The following ECEL1 variants were observed in gnomAD, a reference collection of about 807,000 sequenced individuals.
ECEL1 encodes the protein endothelin converting enzyme like 1, also known as endothelin-converting enzyme-like 1.
In ECEL1, 87 loss-of-function variants were observed where a neutral mutation model predicts 101.8. The observed-to-expected ratio is 0.85, with a 90% CI of 0.72 to 1.02. The LOEUF is 1.02. Among genes scored for constraint, ECEL1 ranks in the 50% least tolerant of loss-of-function variants. The pLI is 0.00. For synonymous variants in ECEL1, 487 were observed against 468.7 expected (o/e 1.04, Z -0.50); for missense variants, 1,032 against 1,079.2 (o/e 0.96, Z 0.61).
At chr2:232,487,389 AC>A (rs1342629196) in intron 1 of ECEL1, among the ~76,000 whole-genome samples, 2 of 151,410 alleles carry the variant, frequency 1.3e-5, no homozygotes, top group Non-Finnish European at 2.9e-5. Context: ...CTGATGGAGA[AC>A]CCGAGACGGG....
In ECEL1 at chr2:232,480,066, G is replaced by T; in HGVS notation, c.*87C>A. ...GAAGGCAGGTGGTGCCCAGAGCGGG[G>T]CTGGCACCGGGTGCATGCCTGCCCC... On this transcript the variant is annotated 3_prime_UTR_variant, in exon 18 of 18. Coordinates refer to ENST00000304546, the MANE Select transcript of ECEL1 (RefSeq NM_004826.4). The T allele has an allele frequency of 7.4e-7, 1 of 1,345,350 alleles. No individual in the cohort carries two copies. The highest frequency in any genetic ancestry group is 1.0e-6 in the Non-Finnish European group (1 of 955,988). 83.3% of individuals were successfully genotyped at this position (1,345,350 alleles called of 1,614,324 possible).
Position 232,484,971 on chromosome 2 carries a change from G to T in ECEL1, c.966+10C>A, listed in dbSNP as rs779795692. Reference sequence around the variant, plus strand: ...AAGCCCAGGGCAGCCTCCAGTCCTGGTCTGCTCACGTTGGCCAGCTGCTGC... The same window carrying T: ...AAGCCCAGGGCAGCCTCCAGTCCTGTTCTGCTCACGTTGGCCAGCTGCTGC... On this transcript the variant is annotated intron_variant, in intron 4 of 17. Transcript: ENST00000304546. 4 of 1,612,976 alleles carry T rather than the reference G, an allele frequency of 2.5e-6. No homozygotes were observed. The Admixed American group carries it at 5.0e-5, about 20-fold the overall frequency.
In ECEL1 at chr2:232,482,622, C is replaced by T. The variant is rs773549893; in HGVS notation, c.1686-14G>A. The T allele has an allele frequency of 3.1e-6, 5 of 1,605,590 alleles. No homozygotes were observed. In the South Asian group the frequency reaches 4.4e-5, roughly 14 times the overall value. On this transcript the variant is annotated splice_polypyrimidine_tract_variant and intron_variant, in intron 10 of 17. Coordinates refer to ENST00000304546, the MANE Select transcript of ECEL1 (RefSeq NM_004826.4). Reference sequence around the variant, plus strand: ...GGGAGCAGCCACCTGTGGAGGGATGCTGGGGTGAATGGGGGGAACACACTC... The same window carrying T: ...GGGAGCAGCCACCTGTGGAGGGATGTTGGGGTGAATGGGGGGAACACACTC...
At position 232,486,415 on chromosome 2, in the gene ECEL1, A is replaced by G; in HGVS notation, c.239T>C (p.Leu80Pro). 6.8e-7 allele frequency: 1 copy of G among 1,466,340 alleles called. No homozygotes were observed. The allele number at this position is 1,466,340 out of a possible 1,614,324, so 90.8% of individuals were successfully genotyped here. A position where few individuals can be genotyped will look rare whatever the true frequency, so the allele number is the denominator to read the frequency against. ...GACCGGGCCCAGGTACTTGAGGGCC[A>G]GCATAGCCGCCAGAATGGCGCAGAG... ...AGLCAILAAM[L>P]ALKYLGPVAA... Residue 80 changes from leucine (L) to proline (P), a missense_variant, in exon 2 of 18, where the codon CTG (leucine) becomes CCG (proline). Physicochemically the swap from Leu to Pro is moderately conservative, Grantham distance 98. Transcript: ENST00000304546.
At chr2:232,484,657 A>AG (rs1382037937) in intron 5 of ECEL1, 61 bp from the exon 6 acceptor site, 4 of 1,607,346 alleles carry the variant, frequency 2.5e-6, no homozygotes, top group South Asian at 1.1e-5. Flanking sequence ...GAAGACAGGG[A>AG]GGGGGCAGAG....
chr2:232,483,264 A>C, intron 8 of ECEL1, 85 bp from the exon 9 acceptor site: 2 of 1,354,618 alleles, frequency 1.5e-6, no homozygotes, highest in Non-Finnish European at 2.0e-6. Context: ...GGAAGGGAGC[A>C]CTAGGCCAGC....
rs1227088974 is a variant in ECEL1 at position 232,486,015 on chromosome 2, C to A, written c.639G>T (p.Leu213=). ...EVIEDCGGWD[L]GGAEERPGVA... ...CCCCCGGACGCTCCTCCGCGCCGCC[C>A]AGGTCCCAGCCCCCGCAGTCCTCGA... Residue 213 remains leucine (L), a synonymous_variant, in exon 2 of 18, where the codon CTG becomes CTT. Coordinates refer to ENST00000304546, the MANE Select transcript of ECEL1 (RefSeq NM_004826.4). The A allele has an allele frequency of 1.2e-6, 2 of 1,608,374 alleles. No homozygotes were observed. Among genetic ancestry groups the A allele is most frequent in the South Asian group, 2.2e-5 (2 of 90,374 alleles).
In ECEL1 at chr2:232,486,776, G is replaced by T; in HGVS notation, c.-101-22C>A. The stretch of plus-strand genomic sequence containing the variant: ...GCAGCTGCGGGAAGGGCGGAAGCAG[G>T]CTCAGGAGGCGCCGCAGCCGGATGG... On this transcript the variant is annotated intron_variant, in intron 1 of 17. Transcript: ENST00000304546. The T allele has an allele frequency of 2.7e-6, 3 of 1,099,132 alleles. No individual in the cohort carries two copies. In the South Asian group the frequency reaches 8.4e-5, roughly 31 times the overall value. 68.1% of individuals were successfully genotyped at this position (1,099,132 alleles called of 1,614,324 possible).
rs2106182034 is a variant in ECEL1 at position 232,480,790 on chromosome 2, C to G, written c.2079G>C (p.Glu693Asp). ...AYHAYQKWVR[E>D]HGPEHPLPRL... Reference sequence around the variant, plus strand: ...GGGGAAGTGGGTGCTCTGGGCCGTGCTCCCGCACCCACTTCTGATAGGCCT... The same window carrying G: ...GGGGAAGTGGGTGCTCTGGGCCGTGGTCCCGCACCCACTTCTGATAGGCCT... Residue 693 changes from glutamate (E) to aspartate (D), a missense_variant, in exon 16 of 18, where the codon GAG becomes GAC. Glu to Asp is a conservative substitution (Grantham distance 45, BLOSUM62 2). Transcript: ENST00000304546. 6.2e-7 allele frequency: 1 copy of G among 1,613,886 alleles called. No homozygotes were observed. The highest frequency in any genetic ancestry group is 8.5e-7 in the Non-Finnish European group (1 of 1,179,938).
chr2:232,482,440 G>T lies in ECEL1; in HGVS notation c.1774C>A (p.Leu592Met). ...VFPAGILQPTLYDPDFPQSLN... is the reference protein window; with the variant it reads ...VFPAGILQPTMYDPDFPQSLN... ...CACTGTGGGAAGTCAGGGTCGTACAGGGTGGGCTGCAGGATGCCCGCGGGG... is the reference window on the plus strand; with the variant it reads ...CACTGTGGGAAGTCAGGGTCGTACATGGTGGGCTGCAGGATGCCCGCGGGG... The change falls in exon 12 of 18, where the codon CTG becomes ATG. Residue 592 changes from leucine to methionine, a missense_variant. By Grantham distance (15) the Leu-to-Met change is conservative. Transcript: ENST00000304546. The T allele has an allele frequency of 6.2e-7, 1 of 1,614,024 alleles. No individual in the cohort carries two copies. Among genetic ancestry groups the T allele is most frequent in the Non-Finnish European group, 8.5e-7 (1 of 1,180,030 alleles).
chr2:232,480,190 G>A lies in ECEL1; in HGVS notation c.2291C>T (p.Ser764Leu). ...ACACTTGTGGGCAGGGTTCATGGGT[G>A]AGTCCTTGGGACAGTGGAAAGCCCG... ...FGRAFHCPKD[S>L]PMNPAHKCSV... Residue 764 changes from serine (S) to leucine (L), a missense_variant, in exon 18 of 18, where the codon TCA becomes TTA. Physicochemically the swap from Ser to Leu is moderately radical, Grantham distance 145 (BLOSUM62 -2). Transcript: ENST00000304546. 6.2e-7 allele frequency: 1 copy of A among 1,613,920 alleles called. No homozygotes were observed. Among genetic ancestry groups the A allele is most frequent in the Non-Finnish European group, 8.5e-7 (1 of 1,179,954 alleles).
Position 232,485,964 on chromosome 2 carries a change from C to A in ECEL1, c.690G>T (p.Arg230=). 1.3e-6 allele frequency: 2 copies of A among 1,596,310 alleles called. No individual in the cohort carries two copies. Among genetic ancestry groups the A allele is most frequent in the Non-Finnish European group, 1.7e-6 (2 of 1,173,320 alleles). Residue 230 remains arginine, a synonymous_variant, in exon 2 of 18, where the codon CGG becomes CGT. Coordinates refer to ENST00000304546, the MANE Select transcript of ECEL1 (RefSeq NM_004826.4). ...ACACGCCCTGCGCCTTGTACAGCAGCCGGTTGAGGTCCCATCGCGCCGCGA... is the reference window on the plus strand; with the variant it reads ...ACACGCCCTGCGCCTTGTACAGCAGACGGTTGAGGTCCCATCGCGCCGCGA... ...PGVAARWDLN[R]LLYKAQGVYS...
chr2:232,485,554 G>A (rs889803027), intron 2 of ECEL1, among the ~76,000 whole-genome samples: 1 of 152,186 alleles, frequency 6.6e-6, no homozygotes, highest in Non-Finnish European at 1.5e-5. Context: ...TAGCTTTGGG[G>A]CCAGCTCCAG....
chr2:232,480,727 G>A lies in ECEL1; in HGVS notation c.2142C>T (p.Ala714=). The change falls in exon 16 of 18, where the codon GCC becomes GCT. Residue 714 remains alanine, a synonymous_variant. Transcript: ENST00000304546. ...CCCCCACCCAGCCCACCTGGGCAAAGGCAATGAAGAAGAGCTGGTCATGTG... is the reference window on the plus strand; with the variant it reads ...CCCCCACCCAGCCCACCTGGGCAAAAGCAATGAAGAAGAGCTGGTCATGTG... ...KYTHDQLFFI[A]FAQNWCIKRR... 6.2e-7 allele frequency: 1 copy of A among 1,614,122 alleles called. No homozygotes were observed. Among genetic ancestry groups the A allele is most frequent in the Non-Finnish European group, 8.5e-7 (1 of 1,180,000 alleles).
At chr2:232,485,352 G>A (rs1690693732) in intron 2 of ECEL1, 85 bp from the exon 3 acceptor site, 1 of 1,466,034 alleles carries the variant, frequency 6.8e-7, no homozygotes, top group Admixed American at 1.9e-5. Context: ...AATGCCCAGA[G>A]AGCAACCAGA....
In ECEL1 at chr2:232,484,081, C is replaced by T. The variant is rs1690656489; in HGVS notation, c.1327G>A (p.Gly443Ser). ...KPQELARVCL[G>S]QANRHFGMAL... ...ATGCCAAAGTGGCGATTGGCCTGGCCCAAGCAGACCCGGGCCAGCTCCTGT... is the reference window on the plus strand; with the variant it reads ...ATGCCAAAGTGGCGATTGGCCTGGCTCAAGCAGACCCGGGCCAGCTCCTGT... The change falls in exon 7 of 18, where the codon GGC (glycine) becomes AGC (serine). Residue 443 changes from glycine to serine, a missense_variant. Gly to Ser is a moderately conservative substitution (Grantham distance 56). Coordinates refer to ENST00000304546, the MANE Select transcript of ECEL1 (RefSeq NM_004826.4). The T allele has an allele frequency of 6.2e-7, 1 of 1,613,672 alleles. No individual in the cohort carries two copies. The highest frequency in any genetic ancestry group is 1.3e-5 in the African/African-American group (1 of 74,948).
chr2:232,482,543 C>T lies in ECEL1; in HGVS notation c.1744+7G>A. 6.2e-7 allele frequency: 1 copy of T among 1,613,982 alleles called. No individual in the cohort carries two copies. Among genetic ancestry groups the T allele is most frequent in the Non-Finnish European group, 8.5e-7 (1 of 1,180,022 alleles). Reference sequence around the variant, plus strand: ...GCCCCGCCCGGCGTAGGGACACATCCCCTTACCCATCTGGTTCTTGTTGGG... The same window carrying T: ...GCCCCGCCCGGCGTAGGGACACATCTCCTTACCCATCTGGTTCTTGTTGGG... On this transcript the variant is annotated splice_region_variant and intron_variant, in intron 11 of 17. Transcript: ENST00000304546.
At chr2:232,481,879 A>T in intron 12 of ECEL1, 30 bp from the exon 13 acceptor site, 1 of 1,612,984 alleles carries the variant, frequency 6.2e-7, no homozygotes, top group Non-Finnish European at 8.5e-7. Flanking sequence ...ATCAGGCCCT[A>T]GCCCTCCACC....
At position 232,486,642 on chromosome 2, in the gene ECEL1, CG is replaced by C; in HGVS notation, c.11del (p.Pro4ArgfsTer4). On this transcript the variant is annotated frameshift_variant, in exon 2 of 18. Transcript: ENST00000304546. LOFTEE classifies it high-confidence loss of function. Reference sequence around the variant, plus strand: ...CATCGTAGTGCGCCGTCAGCGAATACGGGGGCTCCATGGCGCCGAGGCCGCC... The same window carrying C: ...CATCGTAGTGCGCCGTCAGCGAATACGGGGCTCCATGGCGCCGAGGCCGCC... MEPPYSLTAHYDEF... is the reference protein window; with the variant it reads MEPXYSLTAHYDEF... The C allele has an allele frequency of 2.6e-6, 4 of 1,528,540 alleles. No homozygotes were observed. Among genetic ancestry groups the C allele is most frequent in the Non-Finnish European group, 3.5e-6 (4 of 1,148,532 alleles). The allele number at this position is 1,528,540 out of a possible 1,614,324, so 94.7% of individuals were successfully genotyped here. A position where few individuals can be genotyped will look rare whatever the true frequency, so the allele number is the denominator to read the frequency against.
Sources: gnomAD v4.1 joint callset for allele counts (sites outside exome capture counted in the v4.1 genomes callset) on GRCh38, gnomAD v4.1.1 for gene constraint, MANE v1.5 for transcripts, NCBI Gene and HGNC (gene_info 2026-07-23, HGNC 2026-07-21) for gene names.